TRAK1: variants seen among roughly 807,000 people sequenced by gnomAD.
The protein encoded by TRAK1 is trafficking kinesin-binding protein 1.
TRAK1 carries 33 observed loss-of-function variants against 92.1 expected under a neutral mutation model. The observed-to-expected ratio is 0.36, with a 90% CI of 0.27 to 0.48. The LOEUF (loss-of-function observed/expected upper bound fraction) is 0.48. Among genes scored for constraint, TRAK1 ranks in the 20% least tolerant of loss-of-function variants. The pLI is 0.99. For synonymous variants in TRAK1, 521 were observed against 517.3 expected (o/e 1.01, Z -0.10); for missense variants, 1,123 against 1,257.9 (o/e 0.89, Z 1.62).
At chr3:42,133,960 A>G (rs558684635) in intron 2 of TRAK1, among the ~76,000 whole-genome samples, 2 of 152,330 alleles carry the variant, frequency 1.3e-5, no homozygotes, top group East Asian at 3.9e-4. Context: ...TTTTAATACT[A>G]TTGATGAAAT....
rs1710443916 is a variant in TRAK1, at chr3:42,125,543, C to T, written c.215C>T (p.Thr72Ile). ...TATGACCACGACGACTGGCTCCATA[C>T]ACCTCTCATTTCTCCAGATGCCAAC... ...YGYDHDDWLH[T>I]PLISPDANID... is the part of the protein sequence containing the mutation. The change falls in exon 2 of 16, where the codon ACA becomes ATA. Residue 72 changes from threonine (T) to isoleucine (I), a missense_variant. Thr to Ile is a moderately conservative substitution (Grantham distance 89, BLOSUM62 -1). Transcript: ENST00000327628. The T allele has an allele frequency of 1.2e-6, 2 of 1,614,238 alleles. No individual in the cohort carries two copies. Among genetic ancestry groups the T allele is most frequent in the Non-Finnish European group, 1.7e-6 (2 of 1,180,038 alleles).
At chr3:42,068,553 T>C (rs1273876994) in intron 1 of TRAK1, among the ~76,000 whole-genome samples, 1 of 152,208 alleles carries the variant, frequency 6.6e-6, no homozygotes. Context: ...TTTTGCACTC[T>C]TTGAGTTTTA....
chr3:42,099,934 T>A (rs1706500923), intron 1 of TRAK1, among the ~76,000 whole-genome samples: 1 of 152,018 alleles, frequency 6.6e-6, no homozygotes, highest in Admixed American at 6.6e-5. Flanking sequence ...CTGCCTGGGA[T>A]GTGTGGTAAA....
intron 14 of TRAK1, chr3:42,211,005 T>TC: frequency 1.0e-6 from 1 of 985,466 alleles, no homozygotes; most frequent in East Asian, 1.1e-4. Flanking sequence ...AGACTGGACC[T>TC]CCCAGCCCCT....
chr3:42,131,795 C>T (rs1478369980), intron 2 of TRAK1, among the ~76,000 whole-genome samples: 5 of 150,702 alleles, frequency 3.3e-5, no homozygotes, highest in African/African-American at 7.3e-5. Flanking sequence ...TGGTGGCTCA[C>T]GCCTGTAATC....
intron 1 of TRAK1, among the ~76,000 whole-genome samples, chr3:42,069,804 C>A (rs1296029127): frequency 6.6e-6 from 1 of 152,040 alleles, no homozygotes; most frequent in Non-Finnish European, 1.5e-5. Flanking sequence ...AGGAAAGTTA[C>A]ATCTTTGTAT....
intron 2 of TRAK1, among the ~76,000 whole-genome samples, chr3:42,134,199 T>TCCCCTTCCCCCCTCCCCTC (rs1697601551): frequency 1.5e-5 from 1 of 67,068 alleles, no homozygotes; most frequent in Non-Finnish European, 2.7e-5. Flanking sequence ...CCCCTCCCCT[T>TCCCCTTCCCCCCTCCCCTC]CCCCTTCCCC....
At chr3:42,053,374 G>T (rs1483503991) in intron 1 of TRAK1, among the ~76,000 whole-genome samples, 4 of 126,286 alleles carry the variant, frequency 3.2e-5, no homozygotes, top group Non-Finnish European at 4.9e-5. Flanking sequence ...TCAGAGTCGG[G>T]TGGGGGGGGG....
At chr3:42,046,374 C>T (rs377001086) in intron 1 of TRAK1, among the ~76,000 whole-genome samples, 47 of 151,712 alleles carry the variant, frequency 3.1e-4, no homozygotes, top group African/African-American at 8.9e-4. Flanking sequence ...ATTTTTACAC[C>T]GTTCAGGAAC....
chr3:42,210,605 G>T, intron 14 of TRAK1: 1 of 1,026,428 alleles, frequency 9.7e-7, no homozygotes, highest in Non-Finnish European at 1.2e-6. Context: ...CCTGTACGCT[G>T]TATTAAAATA....
At chr3:42,159,327 A>G (rs1466738076) in intron 2 of TRAK1, among the ~76,000 whole-genome samples, 3 of 152,168 alleles carry the variant, frequency 2.0e-5, no homozygotes, top group African/African-American at 7.2e-5. Context: ...AGACCTGCAC[A>G]GTGTAGCTGG....
intron 1 of TRAK1, among the ~76,000 whole-genome samples, chr3:42,058,881 A>G (rs1414654078): frequency 2.6e-5 from 4 of 152,236 alleles, no homozygotes; most frequent in African/African-American, 9.6e-5. Context: ...ACAAAATTCA[A>G]TTTTAGAGAT....
At chr3:42,016,775 C>T (rs568341021) in intron 1 of TRAK1, among the ~76,000 whole-genome samples, 5 of 152,156 alleles carry the variant, frequency 3.3e-5, no homozygotes, top group African/African-American at 1.2e-4. Context: ...CTTTTTTTAC[C>T]CTTTGGGGCT....
chr3:42,169,824 T>G (rs974210382), intron 2 of TRAK1, among the ~76,000 whole-genome samples: 3 of 152,214 alleles, frequency 2.0e-5, no homozygotes, highest in African/African-American at 4.8e-5. Context: ...CAGCCTGGTC[T>G]AGGTGTCTGG....
chr3:42,217,469 G>A (rs748320125), intron 14 of TRAK1: 551 of 985,210 alleles, frequency 5.6e-4, no homozygotes, highest in Non-Finnish European at 6.3e-4. Flanking sequence ...TATAAGATGG[G>A]TTTGCTTCTG....
At position 42,138,724 on chromosome 3, in the gene TRAK1, T is replaced by TAA. The variant is rs56107300; in HGVS notation, c.286+13126_286+13127dup. ...GAACATGGTGAGGCTCCATATCTAT[T>TAA]AAAAAAAAAAAAAAAAAGTACAGAC... On this transcript the variant is annotated intron_variant, in intron 2 of 15. Transcript: ENST00000327628. Among the ~76,000 whole-genome samples, 164 of 133,294 alleles carry TAA rather than the reference T, an allele frequency of 1.2e-3. 1 individual carries two copies. Among genetic ancestry groups the TAA allele is most frequent in the Middle Eastern group, 3.8e-3 (1 of 264 alleles). 87.4% of individuals were successfully genotyped at this position (133,294 alleles called of 152,430 possible).
chr3:42,211,844 C>T (rs1482783699), intron 14 of TRAK1: 32 of 985,232 alleles, frequency 3.2e-5, no homozygotes, highest in African/African-American at 3.5e-5. Flanking sequence ...ATCCTAGCAA[C>T]GTTATTTGAC....
chr3:42,017,959 A>G (rs888348400), intron 1 of TRAK1, among the ~76,000 whole-genome samples: 11 of 151,894 alleles, frequency 7.2e-5, no homozygotes, highest in Non-Finnish European at 1.3e-4. Flanking sequence ...TTTCTTAAAT[A>G]GAGACAGGTT....
chr3:42,107,056 C>T (rs1025024373), intron 1 of TRAK1, among the ~76,000 whole-genome samples: 2 of 152,130 alleles, frequency 1.3e-5, no homozygotes, highest in African/African-American at 4.8e-5. Context: ...TTGCTTGTCC[C>T]CTAGTTAGAG....
Sources: allele counts gnomAD v4.1 joint callset (sites outside exome capture counted in the v4.1 genomes callset), GRCh38; gene constraint gnomAD v4.1.1; transcripts MANE v1.5; gene names NCBI Gene and HGNC (gene_info 2026-07-23, HGNC 2026-07-21).